SPEF2: variants seen among roughly 807,000 people sequenced by gnomAD.
The protein encoded by SPEF2 is sperm flagellar and cilia associated 2, also known as sperm flagella and cilia-associated protein 2.
SPEF2 carries 187 observed loss-of-function variants against 224.6 expected under a neutral mutation model. That is an observed-to-expected ratio of 0.83 (90% CI 0.74 to 0.94). The LOEUF (loss-of-function observed/expected upper bound fraction) is 0.94. SPEF2 is among the 40% of genes least tolerant of loss of function. The pLI is 0.00. For missense variants in SPEF2, 2,170 were observed against 2,135.6 expected (o/e 1.02, Z -0.32); for synonymous variants, 715 against 707.3 (o/e 1.01, Z -0.17).
intron 26 of SPEF2, among the ~76,000 whole-genome samples, chr5:35,766,441 G>A (rs993484036): frequency 2.6e-5 from 4 of 152,076 alleles, no homozygotes; most frequent in Admixed American, 1.3e-4. Context: ...AAATTTATGG[G>A]TATGAAGTTA....
At chr5:35,687,121 A>G (rs1294673790) in intron 10 of SPEF2, among the ~76,000 whole-genome samples, 5 of 152,142 alleles carry the variant, frequency 3.3e-5, no homozygotes, top group Non-Finnish European at 5.9e-5. Context: ...TATGTCGTTC[A>G]TTCTTCTGGT....
rs201303567 is a variant in SPEF2 at position 35,704,660 on chromosome 5, T to C, written c.2505T>C (p.His835=). Residue 835 remains histidine, a splice_region_variant and synonymous_variant, in exon 17 of 37, where the codon CAT becomes CAC. Coordinates refer to ENST00000356031, the MANE Select transcript of SPEF2 (RefSeq NM_024867.4). Reference sequence around the variant, plus strand: ...AAAATTTAAGAGACCAGATACAACATAGGTTAGTTTTTAACTAAATGCTCT... The same window carrying C: ...AAAATTTAAGAGACCAGATACAACACAGGTTAGTTTTTAACTAAATGCTCT... ...GDQNLRDQIQ[H]RIIGFLDNWP... 1.2e-4 allele frequency: 184 copies of C among 1,579,380 alleles called. No individual in the cohort carries two copies. Among genetic ancestry groups the C allele is most frequent in the Middle Eastern group, 1.7e-4 (1 of 5,988 alleles).
rs1306189987 is a variant in SPEF2, at chr5:35,769,995, G to C, written c.3802-1614G>C. 5.4e-3 allele frequency among the ~76,000 whole-genome samples: 728 copies of C among 135,078 alleles called. 7 individuals carry two copies. The highest frequency in any genetic ancestry group is 0.021 in the African/African-American group (681 of 32,214). 88.6% of individuals were successfully genotyped at this position (135,078 alleles called of 152,430 possible). On this transcript the variant is annotated intron_variant, in intron 26 of 36. Transcript: ENST00000356031. ...TGTTGCTACTGCCTCCATAATGTGTGTGTGTGTGTGTGTGTGTGTGTGTGT... is the reference window on the plus strand; with the variant it reads ...TGTTGCTACTGCCTCCATAATGTGTCTGTGTGTGTGTGTGTGTGTGTGTGT...
In SPEF2 at chr5:35,807,166, G is replaced by A; in HGVS notation, c.5292G>A (p.Lys1764=). ...AAACATTTCAAGACCTAGGTGCCAAGAACCTGGAGCCAATTGAAGTCGCTG... is the reference window on the plus strand; with the variant it reads ...AAACATTTCAAGACCTAGGTGCCAAAAACCTGGAGCCAATTGAAGTCGCTG... ...FIKTFQDLGA[K]NLEPIEVAVL... Residue 1764 remains lysine (K), a synonymous_variant, in exon 36 of 37, where the codon AAG becomes AAA. Transcript: ENST00000356031. 1 of 1,613,468 alleles carries A rather than the reference G, an allele frequency of 6.2e-7. No individual in the cohort carries two copies. The highest frequency in any genetic ancestry group is 8.5e-7 in the Non-Finnish European group (1 of 1,179,864).
chr5:35,632,282 G>A (rs1745245862), intron 2 of SPEF2, among the ~76,000 whole-genome samples: 1 of 152,194 alleles, frequency 6.6e-6, no homozygotes, highest in Non-Finnish European at 1.5e-5. Flanking sequence ...TTGCTGGGGA[G>A]GCCTCAGGAA....
At chr5:35,790,017 C>A in intron 30 of SPEF2, 1 of 700,618 alleles carries the variant, frequency 1.4e-6, no homozygotes, top group South Asian at 1.5e-5. Flanking sequence ...TCTTCTCCTC[C>A]CTCCTAGATT....
At chr5:35,758,659 C>T (rs1309865723) in intron 24 of SPEF2, among the ~76,000 whole-genome samples, 1 of 152,256 alleles carries the variant, frequency 6.6e-6, no homozygotes, top group East Asian at 1.9e-4. Context: ...TGAATTCTCT[C>T]TCTTCTCCAC....
rs753013889 is a variant in SPEF2 at position 35,692,653 on chromosome 5, G to T, written c.1828G>T (p.Val610Phe). 11 of 1,613,780 alleles carry T rather than the reference G, an allele frequency of 6.8e-6. No homozygotes were observed. In the East Asian group the frequency reaches 2.5e-4, roughly 36 times the overall value. The part of the protein sequence containing the change: ...AFHDNEKVSE[V>F]LPIQKNDEED... Reference sequence around the variant, plus strand: ...TCATGACAATGAAAAAGTCAGTGAGGTTCTACCAATTCAGAAAAATGATGA... The same window carrying T: ...TCATGACAATGAAAAAGTCAGTGAGTTTCTACCAATTCAGAAAAATGATGA... Residue 610 changes from valine (V) to phenylalanine (F), a missense_variant, in exon 12 of 37, where the codon GTT (valine) becomes TTT (phenylalanine). Val to Phe is a conservative substitution (Grantham distance 50). Transcript: ENST00000356031.
chr5:35,690,790 C>T (rs1459276310), intron 10 of SPEF2, among the ~76,000 whole-genome samples: 6 of 152,080 alleles, frequency 3.9e-5, no homozygotes, highest in Non-Finnish European at 2.9e-5. Context: ...CAAAATGCCT[C>T]AATTTATATG....
chr5:35,678,540 G>A (rs1439537483), intron 10 of SPEF2: 1 of 152,312 alleles, frequency 6.6e-6, no homozygotes, highest in Non-Finnish European at 1.5e-5. Flanking sequence ...AGGCCAGAGT[G>A]TCTGGTAGAA....
At chr5:35,804,505 G>A (rs574669368) in intron 34 of SPEF2, among the ~76,000 whole-genome samples, 6 of 152,034 alleles carry the variant, frequency 3.9e-5, no homozygotes, top group African/African-American at 1.4e-4. Context: ...TCTTGCACAC[G>A]TTTCCCTCTC....
chr5:35,617,989 G>C lies in SPEF2; in HGVS notation c.-9G>C, dbSNP rs750158040. 1 of 1,575,214 alleles carries C rather than the reference G, an allele frequency of 6.3e-7. No homozygotes were observed. The highest frequency in any genetic ancestry group is 1.4e-5 in the African/African-American group (1 of 74,060). ...GCCCCCGCCTGCGGTCTGAGGCACC[G>C]GCTGAACCATGTCGGAGATCCTGTG... On this transcript the variant is annotated 5_prime_UTR_variant, in exon 1 of 37. Coordinates refer to ENST00000356031, the MANE Select transcript of SPEF2 (RefSeq NM_024867.4).
intron 3 of SPEF2, among the ~76,000 whole-genome samples, chr5:35,643,023 C>T (rs779570406): frequency 8.5e-5 from 13 of 152,188 alleles, no homozygotes; most frequent in Non-Finnish European, 1.9e-4. Flanking sequence ...AACAGGGATG[C>T]TTATTTCTAC....
chr5:35,764,193 G>A (rs1453350400), intron 26 of SPEF2, among the ~76,000 whole-genome samples: 3 of 152,064 alleles, frequency 2.0e-5, no homozygotes, highest in Non-Finnish European at 2.9e-5. Flanking sequence ...ATATTCTGCA[G>A]AGTCAAGCAA....
rs945938328 is a variant in SPEF2, at chr5:35,779,401, G to T, written c.4447+55G>T. 14 of 1,374,840 alleles carry T rather than the reference G, an allele frequency of 1.0e-5. No homozygotes were observed. In the East Asian group the frequency reaches 3.0e-4, roughly 29 times the overall value. The allele number at this position is 1,374,840 out of a possible 1,614,324, so 85.2% of individuals were successfully genotyped here. On this transcript the variant is annotated intron_variant, in intron 30 of 36. Transcript: ENST00000356031. The stretch of plus-strand genomic sequence containing the variant: ...ACAAAAAAAGGTTAAGATTAACCAG[G>T]ACAGAAATCACTTGCCAACAAGTAA...
At chr5:35,759,234 G>A (rs1029501551) in intron 24 of SPEF2, among the ~76,000 whole-genome samples, 1 of 151,806 alleles carries the variant, frequency 6.6e-6, no homozygotes, top group African/African-American at 2.4e-5. Flanking sequence ...ATTGAATCTA[G>A]GACACAGGAA....
At chr5:35,670,634 G>A (rs1038930702) in intron 10 of SPEF2, 2 of 986,026 alleles carry the variant, frequency 2.0e-6, no homozygotes, top group South Asian at 4.7e-5. Flanking sequence ...AATGAAAGAG[G>A]AGGAAGTCTG....
intron 30 of SPEF2, chr5:35,790,614 G>A (rs1262311282): frequency 3.2e-6 from 1 of 315,972 alleles, no homozygotes; most frequent in African/African-American, 2.1e-5. Context: ...CTCTTTTGGT[G>A]GAGCTGTATG....
intron 29 of SPEF2, among the ~76,000 whole-genome samples, chr5:35,776,827 C>G (rs879838097): frequency 2.0e-5 from 3 of 152,210 alleles, no homozygotes; most frequent in Non-Finnish European, 2.9e-5. Context: ...TAGACTGATT[C>G]TCTTGTAAGA....
Sources: allele counts gnomAD v4.1 joint callset (sites outside exome capture counted in the v4.1 genomes callset), GRCh38; gene constraint gnomAD v4.1.1; transcripts MANE v1.5; gene names NCBI Gene and HGNC (gene_info 2026-07-23, HGNC 2026-07-21).